Variants in USP25 observed in about 807,000 individuals in gnomAD.
USP25 encodes the protein ubiquitin specific peptidase 25.
USP25 carries 85 observed loss-of-function variants against 158.5 expected under a neutral mutation model. The observed-to-expected ratio is 0.54, with a 90% CI of 0.45 to 0.64. The LOEUF (loss-of-function observed/expected upper bound fraction) is 0.64, where lower values mean the gene tolerates loss of function less well. Among genes scored for constraint, USP25 ranks in the 30% least tolerant of loss-of-function variants. The probability of loss-of-function intolerance (pLI) is 0.00; values close to 1 mark genes in which losing one functional copy is unlikely to be tolerated. For synonymous variants in USP25, 464 were observed against 460.4 expected (o/e 1.01, Z -0.10); for missense variants, 1,242 against 1,327.3 (o/e 0.94, Z 1.00).
At chr21:15,866,029 A>C (rs761976676) in intron 21 of USP25, among the ~76,000 whole-genome samples, 1 of 152,112 alleles carries the variant, frequency 6.6e-6, no homozygotes, top group Non-Finnish European at 1.5e-5. Context: ...TTTAAAAGCC[A>C]TATATCAATA....
chr21:15,764,317 T>G, intron 2 of USP25, among the ~76,000 whole-genome samples: 1 of 110,060 alleles, frequency 9.1e-6, no homozygotes, highest in African/African-American at 3.6e-5. Flanking sequence ...GGGAATTTGC[T>G]TTTTTTTTTT....
At chr21:15,739,082 C>T (rs2031796760) in intron 1 of USP25, among the ~76,000 whole-genome samples, 1 of 152,192 alleles carries the variant, frequency 6.6e-6, no homozygotes, top group Non-Finnish European at 1.5e-5. Flanking sequence ...AAACCCCTTC[C>T]TCCTTTAACT....
At chr21:15,862,467 C>T (rs1282895111) in intron 20 of USP25, among the ~76,000 whole-genome samples, 2 of 151,806 alleles carry the variant, frequency 1.3e-5, no homozygotes, top group Admixed American at 6.6e-5. Context: ...CAATCATTAT[C>T]GAAGGTTCAT....
Position 15,878,635 on chromosome 21 carries a change from A to C in USP25, c.*160A>C. 3.1e-6 allele frequency: 2 copies of C among 644,690 alleles called. No homozygotes were observed. Among genetic ancestry groups the C allele is most frequent in the Non-Finnish European group, 4.7e-6 (2 of 428,802 alleles). 39.9% of individuals were successfully genotyped at this position (644,690 alleles called of 1,614,324 possible). A position where few individuals can be genotyped will look rare whatever the true frequency, so the allele number is the denominator to read the frequency against. On this transcript the variant is annotated 3_prime_UTR_variant, in exon 26 of 26. Transcript: ENST00000400183. Reference sequence around the variant, plus strand: ...ACTATACAGACTTTAGTCAGACTGCAGACAATAAAGCTGAAAATCGCATGG... The same window carrying C: ...ACTATACAGACTTTAGTCAGACTGCCGACAATAAAGCTGAAAATCGCATGG...
chr21:15,865,956 A>G (rs2039636956), intron 21 of USP25, among the ~76,000 whole-genome samples: 1 of 152,100 alleles, frequency 6.6e-6, no homozygotes, highest in South Asian at 2.1e-4. Flanking sequence ...TGCTTAATAG[A>G]TGCACATTAT....
At chr21:15,750,801 T>A (rs1004999575) in intron 1 of USP25, among the ~76,000 whole-genome samples, 1 of 151,542 alleles carries the variant, frequency 6.6e-6, no homozygotes, top group Non-Finnish European at 1.5e-5. Flanking sequence ...AGAGATGGGG[T>A]TTCACCGTGT....
chr21:15,812,113 A>T (rs1457061259), intron 9 of USP25, among the ~76,000 whole-genome samples: 1 of 150,776 alleles, frequency 6.6e-6, no homozygotes, highest in Non-Finnish European at 1.5e-5. Context: ...AAGTTGTTTT[A>T]TATATATATG....
chr21:15,835,124 A>G (rs745921246), intron 17 of USP25, among the ~76,000 whole-genome samples: 3 of 152,046 alleles, frequency 2.0e-5, no homozygotes, highest in Non-Finnish European at 2.9e-5. Context: ...ACATGTGACT[A>G]TTCTTGTTAT....
At chr21:15,750,508 G>C (rs1384864174) in intron 1 of USP25, among the ~76,000 whole-genome samples, 2 of 151,948 alleles carry the variant, frequency 1.3e-5, no homozygotes, top group East Asian at 3.9e-4. Flanking sequence ...GGGATTACAG[G>C]CATGAACAAT....
chr21:15,797,230 C>T (rs879430683), intron 5 of USP25, among the ~76,000 whole-genome samples: 2 of 151,378 alleles, frequency 1.3e-5, no homozygotes, highest in Non-Finnish European at 3.0e-5. Context: ...GAAGAGATTA[C>T]TCACAATATT....
intron 1 of USP25, among the ~76,000 whole-genome samples, chr21:15,749,392 A>G (rs2032816999): frequency 6.6e-6 from 1 of 152,080 alleles, no homozygotes; most frequent in Admixed American, 6.5e-5. Flanking sequence ...TGATTTTCTG[A>G]TTTCTTTGCA....
chr21:15,851,335 A>G (rs1370753212), intron 20 of USP25, among the ~76,000 whole-genome samples: 2 of 152,072 alleles, frequency 1.3e-5, no homozygotes, highest in East Asian at 1.9e-4. Context: ...ACTTTCAGTT[A>G]TTTAATCTGT....
At chr21:15,831,716 C>A in intron 16 of USP25, 87 bp downstream of exon 16, 1 of 1,093,488 alleles carries the variant, frequency 9.1e-7, no homozygotes, top group Non-Finnish European at 1.4e-6. Context: ...GTAATTCACT[C>A]AGACGATGAA....
At chr21:15,813,416 A>G (rs1013148964) in intron 9 of USP25, among the ~76,000 whole-genome samples, 2 of 152,214 alleles carry the variant, frequency 1.3e-5, no homozygotes, top group African/African-American at 4.8e-5. Context: ...TAAAAACACA[A>G]CATTCCCAAA....
intron 1 of USP25, among the ~76,000 whole-genome samples, chr21:15,733,815 C>G (rs1187184271): frequency 6.6e-6 from 1 of 152,142 alleles, no homozygotes; most frequent in East Asian, 1.9e-4. Context: ...GCACTCCAGC[C>G]TGGGCGACAG....
chr21:15,743,317 C>T (rs1410707731), intron 1 of USP25, among the ~76,000 whole-genome samples: 1 of 152,168 alleles, frequency 6.6e-6, no homozygotes, highest in African/African-American at 2.4e-5. Flanking sequence ...GTTCTTTGTT[C>T]CCACCGTTTG....
At chr21:15,754,964 A>G (rs2033278892) in intron 1 of USP25, among the ~76,000 whole-genome samples, 1 of 152,222 alleles carries the variant, frequency 6.6e-6, no homozygotes, top group South Asian at 2.1e-4. Context: ...AACATGAGCT[A>G]GAGCAGTGTA....
At chr21:15,761,962 G>A (rs1298457485) in intron 1 of USP25, among the ~76,000 whole-genome samples, 1 of 152,048 alleles carries the variant, frequency 6.6e-6, no homozygotes, top group Non-Finnish European at 1.5e-5. Flanking sequence ...GTACGGGTTC[G>A]CCACTGTTAA....
At chr21:15,747,362 A>G (rs946566608) in intron 1 of USP25, among the ~76,000 whole-genome samples, 4 of 151,876 alleles carry the variant, frequency 2.6e-5, no homozygotes, top group African/African-American at 9.7e-5. Flanking sequence ...GAAATAGTAT[A>G]CCATATATAG....
Sources: gnomAD v4.1 joint callset for allele counts (sites outside exome capture counted in the v4.1 genomes callset) on GRCh38, gnomAD v4.1.1 for gene constraint, MANE v1.5 for transcripts, NCBI Gene and HGNC (gene_info 2026-07-23, HGNC 2026-07-21) for gene names.